MPRIP: variants seen among roughly 807,000 people sequenced by gnomAD.
MPRIP encodes myosin phosphatase Rho interacting protein, also known as myosin phosphatase Rho-interacting protein.
A neutral mutation model predicts 234.9 loss-of-function variants in MPRIP; 59 were observed. That is an observed-to-expected ratio of 0.25 (90% CI 0.20 to 0.31). The LOEUF (loss-of-function observed/expected upper bound fraction) is 0.31. Among genes scored for constraint, MPRIP ranks in the 10% least tolerant of loss-of-function variants. MPRIP has a pLI of 1.00. For missense variants in MPRIP, 2,436 were observed against 3,071.0 expected (o/e 0.79, Z 4.89); for synonymous variants, 1,144 against 1,263.9 (o/e 0.91, Z 2.01).
intron 23 of MPRIP, chr17:17,182,404 G>T (rs192004252): frequency 6.6e-6 from 1 of 152,156 alleles, no homozygotes; most frequent in South Asian, 2.1e-4. Context: ...TGCTTCCCTC[G>T]GGGTTCTTAA....
intron 3 of MPRIP, among the ~76,000 whole-genome samples, chr17:17,095,336 C>T (rs1000140096): frequency 6.6e-6 from 1 of 152,130 alleles, no homozygotes; most frequent in Non-Finnish European, 1.5e-5. Flanking sequence ...GTAGGAATAT[C>T]GACTGGCAGG....
At chr17:17,072,540 G>A (rs914072632) in intron 1 of MPRIP, among the ~76,000 whole-genome samples, 1 of 152,128 alleles carries the variant, frequency 6.6e-6, no homozygotes, top group Non-Finnish European at 1.5e-5. Flanking sequence ...GTGCAGTGAC[G>A]GTAATGGCAG....
chr17:17,099,969 C>T (rs755815598), intron 3 of MPRIP, among the ~76,000 whole-genome samples: 1 of 152,184 alleles, frequency 6.6e-6, no homozygotes, highest in Non-Finnish European at 1.5e-5. Flanking sequence ...GATGGGACAT[C>T]TCCACCTGAT....
At chr17:17,150,085 CATCTAGGCATT>C in intron 11 of MPRIP, 48 bp from the exon 12 acceptor site, 2 of 1,266,034 alleles carry the variant, frequency 1.6e-6, no homozygotes, top group Non-Finnish European at 2.3e-6. Flanking sequence ...GAAATTTGCT[CATCTAGGCATT>C]GGTTCTACTT....
chr17:17,157,230 G>A (rs1191244492), intron 13 of MPRIP, among the ~76,000 whole-genome samples: 1 of 152,234 alleles, frequency 6.6e-6, no homozygotes, highest in Non-Finnish European at 1.5e-5. Context: ...AGGAATCTCT[G>A]CTTCTAGCAG....
chr17:17,173,260 A>C (rs1185267769), intron 18 of MPRIP, among the ~76,000 whole-genome samples: 2 of 152,238 alleles, frequency 1.3e-5, no homozygotes, highest in African/African-American at 4.8e-5. Context: ...ACTGCTGTAG[A>C]CTTTTTTCAC....
At chr17:17,069,672 A>G (rs2089147189) in intron 1 of MPRIP, among the ~76,000 whole-genome samples, 2 of 152,132 alleles carry the variant, frequency 1.3e-5, no homozygotes, top group South Asian at 4.2e-4. Flanking sequence ...TTACCAGTTC[A>G]AGAGAGTACC....
intron 7 of MPRIP, among the ~76,000 whole-genome samples, chr17:17,140,504 C>G (rs1007637319): frequency 6.6e-6 from 1 of 152,144 alleles, no homozygotes; most frequent in Non-Finnish European, 1.5e-5. Context: ...TAGTAGCCCA[C>G]CCTGTGCTTG....
chr17:17,146,612 C>G (rs2045471645), intron 10 of MPRIP, among the ~76,000 whole-genome samples: 1 of 152,208 alleles, frequency 6.6e-6, no homozygotes, highest in South Asian at 2.1e-4. Flanking sequence ...GAAGAGCCAT[C>G]TGAGGCTGGA....
At chr17:17,050,474 T>G (rs189916254) in intron 1 of MPRIP, among the ~76,000 whole-genome samples, 4 of 152,148 alleles carry the variant, frequency 2.6e-5, no homozygotes, top group African/African-American at 4.8e-5. Context: ...TTCCCACTGC[T>G]TAGTAGCCTG....
At chr17:17,082,729 T>C (rs2089493899) in intron 3 of MPRIP, among the ~76,000 whole-genome samples, 1 of 152,194 alleles carries the variant, frequency 6.6e-6, no homozygotes, top group South Asian at 2.1e-4. Flanking sequence ...TCCAGGACCC[T>C]TTTCAACTTG....
chr17:17,140,731 A>G (rs1169134260), intron 7 of MPRIP, among the ~76,000 whole-genome samples: 1 of 152,158 alleles, frequency 6.6e-6, no homozygotes, highest in Non-Finnish European at 1.5e-5. Flanking sequence ...TCAGACTTCC[A>G]GAGTGTTTCT....
At chr17:17,065,321 AAT>A (rs1020875292) in intron 1 of MPRIP, among the ~76,000 whole-genome samples, 6 of 151,566 alleles carry the variant, frequency 4.0e-5, no homozygotes, top group South Asian at 2.1e-4. Context: ...TATCCATTTA[AAT>A]ATGTTTCATT....
chr17:17,084,830 C>T (rs1054971415), intron 3 of MPRIP, among the ~76,000 whole-genome samples: 1 of 152,212 alleles, frequency 6.6e-6, no homozygotes, highest in East Asian at 1.9e-4. Flanking sequence ...TAGGGTCCAC[C>T]TGCCTTCTTT....
chr17:17,077,845 C>T lies in MPRIP; in HGVS notation c.202-166C>T, dbSNP rs2089371005. On this transcript the variant is annotated intron_variant, in intron 2 of 23. Transcript: ENST00000651222. ...AGCCCAGTCCTGGCTGATGAATCAA[C>T]ATTCTTGTGCCTCGGGTCCCTCTTT... The T allele has an allele frequency of 1.7e-5, 11 of 639,200 alleles. No homozygotes were observed. In the South Asian group the frequency reaches 1.9e-4, roughly 11 times the overall value. 39.6% of individuals were successfully genotyped at this position (639,200 alleles called of 1,614,324 possible). A position where few individuals can be genotyped will look rare whatever the true frequency, so the allele number is the denominator to read the frequency against.
At position 17,167,683 on chromosome 17, in the gene MPRIP, T is replaced by C; in HGVS notation, c.6092T>C (p.Leu2031Pro). Residue 2031 changes from leucine to proline, a missense_variant, in exon 16 of 24, where the codon CTT (leucine) becomes CCT (proline). Coordinates refer to ENST00000651222, the MANE Select transcript of MPRIP (RefSeq NM_001364716.4). The surrounding 1 kb of genome is among the most constrained non-coding windows in gnomAD (Gnocchi z 5.9). ...CACTACTCGCAGAGCCTGAGGTGCC[T>C]TCAGGACACCCTCTGCCTCCACCAG... ...QEHYSQSLRC[L>P]QDTLCLHQGP... is the part of the protein sequence containing the mutation. The C allele has an allele frequency of 6.9e-6, 9 of 1,304,124 alleles. No individual in the cohort carries two copies. The highest frequency in any genetic ancestry group is 8.1e-6 in the Non-Finnish European group (8 of 988,914). The allele number at this position is 1,304,124 out of a possible 1,614,324, so 80.8% of individuals were successfully genotyped here.
rs1379287335 is a variant in MPRIP, at chr17:17,187,645, G to A, written c.*2751G>A. ...TGCCCAACTGGTGCCACACTGAGCA[G>A]GGAGCCTTGTGCTGCACAGGGCTGG... On this transcript the variant is annotated 3_prime_UTR_variant, in exon 24 of 24. Transcript: ENST00000651222. 2.6e-5 allele frequency: 4 copies of A among 152,276 alleles called. No homozygotes were observed. Among genetic ancestry groups the A allele is most frequent in the African/African-American group, 9.6e-5 (4 of 41,462 alleles). The allele number at this position is 152,276 out of a possible 1,614,324, so 9.4% of individuals were successfully genotyped here.
rs1307154025 is a variant in MPRIP, at chr17:17,078,465, G to A, written c.267+389G>A. Among the ~76,000 whole-genome samples the A allele has an allele frequency of 6.6e-6, 1 of 152,212 alleles. No individual in the cohort carries two copies. The highest frequency in any genetic ancestry group is 2.1e-4 in the South Asian group (1 of 4,832). On this transcript the variant is annotated intron_variant, in intron 3 of 23. Transcript: ENST00000651222. The surrounding 1 kb of genome is among the most constrained non-coding windows in gnomAD (Gnocchi z 4.3). ...CCCTGGGGCTGGCACATGTGCTCAC[G>A]CACCTAGTCCTGGGGTTGCCTGTCA...
At chr17:17,146,923 T>A (rs1052687430) in intron 10 of MPRIP, among the ~76,000 whole-genome samples, 1 of 152,264 alleles carries the variant, frequency 6.6e-6, no homozygotes, top group African/African-American at 2.4e-5. Context: ...GCTTGCGGGC[T>A]GCCACCTGCA....
Sources: allele counts gnomAD v4.1 joint callset (sites outside exome capture counted in the v4.1 genomes callset), GRCh38; gene constraint gnomAD v4.1.1; non-coding constraint Gnocchi (gnomAD v3.1); transcripts MANE v1.5; gene names NCBI Gene and HGNC (gene_info 2026-07-23, HGNC 2026-07-21).